The following SAYSD1 variants were observed in gnomAD, a reference collection of about 807,000 sequenced individuals.
SAYSD1 encodes SAYSvFN domain-containing protein 1.
In SAYSD1, 15 loss-of-function variants were observed where a neutral mutation model predicts 14.5. The ratio of observed to expected loss-of-function variants is 1.03; its 90% CI spans 0.69 to 1.59. The LOEUF is 1.59. Among genes scored for constraint, SAYSD1 ranks in the 40% most tolerant of loss-of-function variants. The probability of loss-of-function intolerance (pLI) is 0.00; values close to 1 mark genes in which losing one functional copy is unlikely to be tolerated. For synonymous variants in SAYSD1, 105 were observed against 102.6 expected, an observed-to-expected ratio of 1.02 and a Z score of -0.14; for missense variants, 247 against 227.3, an observed-to-expected ratio of 1.09 and a Z score of -0.56.
chr6:39,112,098 C>T (rs1278446789), intron 1 of SAYSD1: 3 of 151,862 alleles, frequency 2.0e-5, no homozygotes, highest in Non-Finnish European at 2.9e-5. Context: ...AGATCTGATG[C>T]ATGAAAATTG....
intron 1 of SAYSD1, among the ~76,000 whole-genome samples, chr6:39,106,466 G>A (rs1014446112): frequency 2.0e-5 from 3 of 152,182 alleles, no homozygotes; most frequent in African/African-American, 7.2e-5. Flanking sequence ...GGCGGAGGCT[G>A]CAGTGAGCTG....
intron 1 of SAYSD1, chr6:39,110,737 T>C (rs1470861949): frequency 6.6e-6 from 1 of 152,124 alleles, no homozygotes; most frequent in Admixed American, 6.5e-5. Context: ...TGTTGATAGG[T>C]TGAAAAGAAC....
Position 39,105,359 on chromosome 6 carries a change from C to T in SAYSD1, c.*73G>A. On this transcript the variant is annotated 3_prime_UTR_variant, in exon 2 of 2. Coordinates refer to ENST00000229903, the MANE Select transcript of SAYSD1 (RefSeq NM_018322.3). Reference sequence around the variant, plus strand: ...GCAAGCTGCCCTTAGTCCTATACACCTGAAATCAAATCCATAGCCAATGGT... The same window carrying T: ...GCAAGCTGCCCTTAGTCCTATACACTTGAAATCAAATCCATAGCCAATGGT... The T allele has an allele frequency of 7.4e-7, 1 of 1,358,820 alleles. No homozygotes were observed. The highest frequency in any genetic ancestry group is 1.0e-6 in the Non-Finnish European group (1 of 970,518). 84.2% of individuals were successfully genotyped at this position (1,358,820 alleles called of 1,614,324 possible).
chr6:39,115,151 T>A lies in SAYSD1; in HGVS notation c.-62A>T. On this transcript the variant is annotated 5_prime_UTR_variant, in exon 1 of 2. Transcript: ENST00000229903. ...GCGCGCCCGCAGGCCGCACAGCAGT[T>A]GCCTCCGCTCGGCCCGCGCCGGCCG... is the stretch of plus-strand genomic sequence containing the variant. 6.8e-7 allele frequency: 1 copy of A among 1,470,518 alleles called. No homozygotes were observed. Among genetic ancestry groups the A allele is most frequent in the Admixed American group, 2.3e-5 (1 of 42,992 alleles). The allele number at this position is 1,470,518 out of a possible 1,614,324, so 91.1% of individuals were successfully genotyped here. A position where few individuals can be genotyped will look rare whatever the true frequency, so the allele number is the denominator to read the frequency against.
Position 39,105,612 on chromosome 6 carries a change from T to C in SAYSD1, c.372A>G (p.Ala124=), listed in dbSNP as rs1769486993. 2 of 1,614,122 alleles carry C rather than the reference T, an allele frequency of 1.2e-6. No homozygotes were observed. The highest frequency in any genetic ancestry group is 1.7e-6 in the Non-Finnish European group (2 of 1,180,008). ...GLFVELEFGL[A]YFVLSLFYWM... ...AATAGAACAAGGACAGGACAAAATATGCCAGGCCAAATTCCAGTTCCACAA... is the reference window on the plus strand; with the variant it reads ...AATAGAACAAGGACAGGACAAAATACGCCAGGCCAAATTCCAGTTCCACAA... The change falls in exon 2 of 2, where the codon GCA becomes GCG. Residue 124 remains alanine, a synonymous_variant. Coordinates refer to ENST00000229903, the MANE Select transcript of SAYSD1 (RefSeq NM_018322.3).
intron 1 of SAYSD1, 42 bp downstream of exon 1, chr6:39,114,841 C>G (rs763320216): frequency 1.9e-6 from 3 of 1,585,890 alleles, no homozygotes; most frequent in Non-Finnish European, 8.6e-7. Flanking sequence ...TCGACTGTGG[C>G]TCCGAGGCCA....
rs961762419 is a variant in SAYSD1, at chr6:39,105,316, CA to C, written c.*115del. 1.3e-6 allele frequency: 1 copy of C among 769,388 alleles called. No homozygotes were observed. Among genetic ancestry groups the C allele is most frequent in the African/African-American group, 1.7e-5 (1 of 57,640 alleles). The allele number at this position is 769,388 out of a possible 1,614,324, so 47.7% of individuals were successfully genotyped here. ...AGGGAAAGAAGGTAGAAAAACTATG[CA>C]GTCACAGAGCTAACCCGCAAGCTGC... On this transcript the variant is annotated 3_prime_UTR_variant, in exon 2 of 2. Coordinates refer to ENST00000229903, the MANE Select transcript of SAYSD1 (RefSeq NM_018322.3).
chr6:39,109,623 G>A (rs1454180910), intron 1 of SAYSD1: 5 of 1,258,832 alleles, frequency 4.0e-6, no homozygotes, highest in Non-Finnish European at 5.0e-6. Context: ...CCCTTCATCT[G>A]TAGATGGACA....
In SAYSD1 at chr6:39,114,940, C is replaced by A. The variant is rs1437374423; in HGVS notation, c.150G>T (p.Arg50=). The A allele has an allele frequency of 6.2e-7, 1 of 1,613,656 alleles. No individual in the cohort carries two copies. The highest frequency in any genetic ancestry group is 1.3e-5 in the African/African-American group (1 of 74,938). The change falls in exon 1 of 2, where the codon CGG becomes CGT. Residue 50 remains arginine, a synonymous_variant. Transcript: ENST00000229903. ...CGGGCCTAGGTTTCCATACCAGGAA[C>A]CGCTTTAGCCAGCCTGGGGCTGCCT... is the stretch of plus-strand genomic sequence containing the variant. ...TLKAAPGWLK[R]FLVWKPRPAS...
intron 1 of SAYSD1, among the ~76,000 whole-genome samples, chr6:39,108,482 T>C (rs1196279917): frequency 6.6e-6 from 1 of 151,942 alleles, no homozygotes; most frequent in African/African-American, 2.4e-5. Flanking sequence ...GATACGGACA[T>C]TCTTCTGCCT....
chr6:39,107,343 C>A (rs1208118612), intron 1 of SAYSD1, among the ~76,000 whole-genome samples: 1 of 152,190 alleles, frequency 6.6e-6, no homozygotes, highest in African/African-American at 2.4e-5. Flanking sequence ...CCCTCTGCCT[C>A]CCCCAGAACT....
chr6:39,114,748 G>A, intron 1 of SAYSD1, 135 bp downstream of exon 1: 1 of 820,176 alleles, frequency 1.2e-6, no homozygotes, highest in Non-Finnish European at 1.9e-6. Flanking sequence ...GAGATGAGCG[G>A]TCCGGCCCTC....
intron 1 of SAYSD1, 74 bp downstream of exon 1, chr6:39,114,788 TCCGGCAGCTAGGGCCACACCC>T (rs879820515): frequency 6.1e-5 from 79 of 1,287,822 alleles, no homozygotes; most frequent in Non-Finnish European, 7.1e-5. Context: ...TAGCCCCGCC[TCCGGCAGCTAGGGCCACACCC>T]CCGGCAGCTA....
In SAYSD1 at chr6:39,104,905, A is replaced by G. The variant is rs7696; in HGVS notation, c.*527T>C. The G allele has an allele frequency of 0.38, 57,877 of 152,948 alleles. 11,353 individuals carry two copies. Among genetic ancestry groups the G allele is most frequent in the Middle Eastern group, 0.48 (140 of 292 alleles). The allele number at this position is 152,948 out of a possible 1,614,324, so 9.5% of individuals were successfully genotyped here. On this transcript the variant is annotated 3_prime_UTR_variant, in exon 2 of 2. Transcript: ENST00000229903. ...TTTCTGAAGAGGAGATGTTTTAAAGATATTTTATTTTTCAATACCAGTAAT... is the reference window on the plus strand; with the variant it reads ...TTTCTGAAGAGGAGATGTTTTAAAGGTATTTTATTTTTCAATACCAGTAAT...
chr6:39,109,226 T>C, intron 1 of SAYSD1: 1 of 1,254,408 alleles, frequency 8.0e-7, no homozygotes, highest in Non-Finnish European at 1.1e-6. Flanking sequence ...GGAAATGGGT[T>C]CTGGGGCAGG....
chr6:39,105,672 C>T lies in SAYSD1; in HGVS notation c.312G>A (p.Leu104=). 3 of 1,614,202 alleles carry T rather than the reference C, an allele frequency of 1.9e-6. No homozygotes were observed. Among genetic ancestry groups the T allele is most frequent in the Non-Finnish European group, 2.5e-6 (3 of 1,180,042 alleles). The part of the protein sequence containing the change: ...DQSFLTNITF[L]KVLLWLVLLG... ...GCAGGACCAACCAGAGAAGAACCTT[C>T]AAGAAGGTGATATTGGTCAGGAAAG... The change falls in exon 2 of 2, where the codon TTG becomes TTA. Residue 104 remains leucine, a synonymous_variant. Coordinates refer to ENST00000229903, the MANE Select transcript of SAYSD1 (RefSeq NM_018322.3).
chr6:39,114,214 TAAATG>T (rs1769685589), intron 1 of SAYSD1, among the ~76,000 whole-genome samples: 1 of 152,204 alleles, frequency 6.6e-6, no homozygotes. Flanking sequence ...GAGTTAAAAC[TAAATG>T]AAAACACAAA....
Position 39,115,091 on chromosome 6 carries a change from G to T in SAYSD1, c.-2C>A. 1 of 1,600,710 alleles carries T rather than the reference G, an allele frequency of 6.2e-7. No individual in the cohort carries two copies. Among genetic ancestry groups the T allele is most frequent in the Non-Finnish European group, 8.5e-7 (1 of 1,176,798 alleles). On this transcript the variant is annotated 5_prime_UTR_variant, in exon 1 of 2. Transcript: ENST00000229903. The stretch of plus-strand genomic sequence containing the variant: ...AAACTCAGCTAACCGCTGTTCCATG[G>T]CGCGCGCCTCGCGTCCGTTGGCCGA...
chr6:39,109,522 C>A, intron 1 of SAYSD1: 8 of 1,455,046 alleles, frequency 5.5e-6, no homozygotes, highest in Middle Eastern at 2.0e-4. Flanking sequence ...CAAATGGAGG[C>A]CGCAGTGGCT....
Sources: gnomAD v4.1 joint callset for allele counts (sites outside exome capture counted in the v4.1 genomes callset) on GRCh38, gnomAD v4.1.1 for gene constraint, MANE v1.5 for transcripts, NCBI Gene and HGNC (gene_info 2026-07-23, HGNC 2026-07-21) for gene names.